The following RNF17 variants were observed in gnomAD, a reference collection of about 807,000 sequenced individuals.
The protein encoded by RNF17 is ring finger protein 17.
RNF17 carries 31 observed loss-of-function variants against 200.5 expected under a neutral mutation model. That is an observed-to-expected ratio of 0.15 (90% CI 0.12 to 0.21). RNF17 has a LOEUF of 0.21. Among genes scored for constraint, RNF17 ranks in the 10% least tolerant of loss-of-function variants. The pLI, the probability that RNF17 is intolerant of heterozygous loss-of-function variation, is 1.00. For synonymous variants in RNF17, 606 were observed against 637.8 expected, an observed-to-expected ratio of 0.95 and a Z score of 0.75; for missense variants, 1,628 against 1,905.1, an observed-to-expected ratio of 0.85 and a Z score of 2.71.
chr13:24,763,597 G>C (rs1360182383), upstream of RNF17, among the ~76,000 whole-genome samples: 1 of 152,006 alleles, frequency 6.6e-6, no homozygotes, highest in Non-Finnish European at 1.5e-5. Flanking sequence ...GTTTTTTTAA[G>C]GAGTTATGTA....
rs7988907 is a variant in RNF17 at position 24,853,699 on chromosome 13, T to G, written c.3321-156T>G. 0.045 allele frequency among the ~76,000 whole-genome samples: 6,825 copies of G among 152,222 alleles called. 484 individuals carry two copies. Among genetic ancestry groups the G allele is most frequent in the African/African-American group, 0.15 (6,415 of 41,452 alleles). ...TTCTCATCAGTCTCATAATTTAAAG[T>G]AGTTTTAATTTTAACTGATGCTAAT... On this transcript the variant is annotated intron_variant, in intron 24 of 35. Transcript: ENST00000255324.
chr13:24,792,895 A>G (rs1227096900), intron 9 of RNF17, 147 bp from the exon 10 acceptor site: 2 of 567,764 alleles, frequency 3.5e-6, no homozygotes, highest in Non-Finnish European at 6.0e-6. Flanking sequence ...TAGAATGGAT[A>G]AATAACTGGC....
rs1197425129 is a variant in RNF17 at position 24,870,634 on chromosome 13, G to A, written c.4342G>A (p.Asp1448Asn). The A allele has an allele frequency of 6.2e-7, 1 of 1,614,128 alleles. No individual in the cohort carries two copies. The highest frequency in any genetic ancestry group is 2.2e-5 in the East Asian group (1 of 44,882). Reference protein sequence around the residue: ...NQSNQHSDTDDSGVSGESESE... With the variant: ...NQSNQHSDTDNSGVSGESESE... Reference sequence around the variant, plus strand: ...GTCTAACCAGCATAGTGACACAGATGATAGTGGAGTCAGCGGGGAATCAGA... The same window carrying A: ...GTCTAACCAGCATAGTGACACAGATAATAGTGGAGTCAGCGGGGAATCAGA... Residue 1448 changes from aspartate (D) to asparagine (N), a missense_variant, in exon 32 of 36, where the codon GAT (aspartate) becomes AAT (asparagine). Asp to Asn is a conservative substitution (Grantham distance 23). This residue lies in a region of RNF17 where 609 missense variants were observed against 681.9 expected (regional missense o/e 0.89). Coordinates refer to ENST00000255324, the MANE Select transcript of RNF17 (RefSeq NM_031277.3).
At chr13:24,839,029 C>T (rs1202268019) in intron 18 of RNF17, among the ~76,000 whole-genome samples, 7 of 152,024 alleles carry the variant, frequency 4.6e-5, no homozygotes, top group Non-Finnish European at 4.4e-5. Flanking sequence ...ACACCAACAG[C>T]GACCAAGTGG....
intron 15 of RNF17, among the ~76,000 whole-genome samples, chr13:24,822,331 T>C (rs1270221481): frequency 1.3e-5 from 2 of 152,246 alleles, no homozygotes; most frequent in East Asian, 3.9e-4. Flanking sequence ...TGTTAGAAAA[T>C]GATTTGGGGG....
intron 18 of RNF17, among the ~76,000 whole-genome samples, chr13:24,832,372 TAAAC>T (rs71967297): frequency 0.12 from 18,824 of 152,188 alleles, 1,256 homozygotes; most frequent in Admixed American, 0.15. Flanking sequence ...CTCACTGGCT[TAAAC>T]AAATTCAACT....
At chr13:24,805,743 G>A (rs1164095678) in intron 15 of RNF17, among the ~76,000 whole-genome samples, 1 of 152,070 alleles carries the variant, frequency 6.6e-6, no homozygotes, top group South Asian at 2.1e-4. Context: ...GGATTATATG[G>A]TAATTTTATG....
At chr13:24,841,652 A>G (rs1195316689) in intron 18 of RNF17, among the ~76,000 whole-genome samples, 1 of 152,154 alleles carries the variant, frequency 6.6e-6, no homozygotes, top group African/African-American at 2.4e-5. Flanking sequence ...TAAGTTTCCA[A>G]TTTTTAAAAA....
At position 24,864,968 on chromosome 13, in the gene RNF17, T is replaced by C. The variant is rs943894764; in HGVS notation, c.4071T>C (p.Thr1357=). Residue 1357 remains threonine, a synonymous_variant, in exon 29 of 36, where the codon ACT becomes ACC. Transcript: ENST00000255324. Reference sequence around the variant, plus strand: ...TTATGGCATACTATAAATACTGTACTTCTGAACATACTGAGGAGATGTTGA... The same window carrying C: ...TTATGGCATACTATAAATACTGTACCTCTGAACATACTGAGGAGATGTTGA... The part of the protein sequence containing the change: ...SYFMAYYKYC[T]SEHTEEMLKE... 1.3e-6 allele frequency: 2 copies of C among 1,564,742 alleles called. No individual in the cohort carries two copies. The highest frequency in any genetic ancestry group is 3.9e-5 in the Admixed American group (2 of 51,346).
chr13:24,802,701 C>G, intron 14 of RNF17, 130 bp downstream of exon 14: 1 of 655,026 alleles, frequency 1.5e-6, no homozygotes, highest in South Asian at 2.3e-5. Context: ...AAATATTGCT[C>G]TTAGACTTTT....
At chr13:24,761,654 T>G (rs1369513082), upstream of RNF17, among the ~76,000 whole-genome samples, 2 of 152,164 alleles carry the variant, frequency 1.3e-5, no homozygotes, top group East Asian at 3.8e-4. Flanking sequence ...GCCATTAAGG[T>G]TTTGTTGTAA....
chr13:24,844,799 A>T lies in RNF17; in HGVS notation c.2979A>T (p.Val993=). 6.2e-7 allele frequency: 1 copy of T among 1,610,360 alleles called. No homozygotes were observed. ...TCAGAATGGTTACAGACACATTGGT[A>T]GAGGTAAATTACAGAGTTAAAAGTG... ...QIIRMVTDTL[V]EVLLYDVGVE... Residue 993 remains valine, a synonymous_variant, in exon 21 of 36, where the codon GTA becomes GTT. Transcript: ENST00000255324.
At chr13:24,783,023 A>G (rs1882637157) in intron 6 of RNF17, among the ~76,000 whole-genome samples, 1 of 152,188 alleles carries the variant, frequency 6.6e-6, no homozygotes. Context: ...TAAGAGTTTT[A>G]TAGTTCTCAC....
intron 24 of RNF17, among the ~76,000 whole-genome samples, chr13:24,852,153 T>C (rs1046775349): frequency 2.7e-5 from 4 of 150,562 alleles, no homozygotes; most frequent in African/African-American, 7.3e-5. Flanking sequence ...TTTTTTTTTT[T>C]TCTGAGACGG....
intron 15 of RNF17, among the ~76,000 whole-genome samples, chr13:24,825,267 G>A (rs1385448251): frequency 6.6e-6 from 1 of 152,130 alleles, no homozygotes; most frequent in South Asian, 2.1e-4. Flanking sequence ...AACAGTTACT[G>A]AAATAGAACA....
At chr13:24,866,462 C>T (rs1159028061) in intron 30 of RNF17, among the ~76,000 whole-genome samples, 7 of 152,222 alleles carry the variant, frequency 4.6e-5, no homozygotes, top group Non-Finnish European at 1.0e-4. Flanking sequence ...TCCCTAGCTT[C>T]ATGACAGCCA....
At chr13:24,835,476 A>C (rs1179114188) in intron 18 of RNF17, among the ~76,000 whole-genome samples, 1 of 152,136 alleles carries the variant, frequency 6.6e-6, no homozygotes, top group Admixed American at 6.5e-5. Flanking sequence ...TGAGAGACCC[A>C]TAGGTGGTTC....
intron 15 of RNF17, among the ~76,000 whole-genome samples, chr13:24,814,516 A>G (rs1410095587): frequency 2.6e-5 from 4 of 152,164 alleles, no homozygotes; most frequent in African/African-American, 7.2e-5. Flanking sequence ...ATAGGTTTAG[A>G]TCTTTGATTC....
chr13:24,767,325 A>G lies in RNF17; in HGVS notation c.184A>G (p.Met62Val), dbSNP rs1037985983. Residue 62 changes from methionine to valine, a missense_variant, in exon 2 of 36, where the codon ATG (methionine) becomes GTG (valine). By Grantham distance (21) the Met-to-Val change is conservative. This residue lies in a region of RNF17 where 502 missense variants were observed against 501.7 expected (regional missense o/e 1.00). Coordinates refer to ENST00000255324, the MANE Select transcript of RNF17 (RefSeq NM_031277.3). ...GHAFCELCLL[M>V]TEECTTIICP... is the part of the protein sequence containing the mutation. Reference sequence around the variant, plus strand: ...TGCTTTTTGTGAACTATGCTTGTTAATGACTGAAGAATGCACCACAATTAT... The same window carrying G: ...TGCTTTTTGTGAACTATGCTTGTTAGTGACTGAAGAATGCACCACAATTAT... The G allele has an allele frequency of 2.5e-6, 4 of 1,612,770 alleles. No homozygotes were observed. The highest frequency in any genetic ancestry group is 1.7e-5 in the Admixed American group (1 of 59,998).
Sources: gnomAD v4.1 joint callset for allele counts (sites outside exome capture counted in the v4.1 genomes callset) on GRCh38, gnomAD v4.1.1 for gene constraint, gnomAD v4.1.1 regional missense constraint, MANE v1.5 for transcripts, NCBI Gene and HGNC (gene_info 2026-07-23, HGNC 2026-07-21) for gene names.